Variants in CSNK1G2 observed in about 807,000 individuals in gnomAD.
CSNK1G2 encodes casein kinase 1 gamma 2, also known as casein kinase I isoform gamma-2.
Under a neutral mutation model 48.0 loss-of-function variants are expected in CSNK1G2, and 11 were observed. The observed-to-expected ratio is 0.23, with a 90% confidence interval of 0.14 to 0.38. The LOEUF (loss-of-function observed/expected upper bound fraction) is 0.38. CSNK1G2 is among the 10% of genes least tolerant of loss of function. CSNK1G2 has a pLI of 1.00. For synonymous variants in CSNK1G2, 337 were observed against 254.1 expected, an observed-to-expected ratio of 1.33 and a Z score of -3.10; for missense variants, 446 against 595.5, an observed-to-expected ratio of 0.75 and a Z score of 2.61.
rs2015883588 is a variant in CSNK1G2 at position 1,979,348 on chromosome 19, G to C, written c.798G>C (p.Lys266Asn). 1.2e-6 allele frequency: 2 copies of C among 1,606,076 alleles called. No individual in the cohort carries two copies. The highest frequency in any genetic ancestry group is 1.1e-5 in the South Asian group (1 of 89,676). The change falls in exon 8 of 12, where the codon AAG becomes AAC. Residue 266 changes from lysine to asparagine, a missense_variant. Lys to Asn is a moderately conservative substitution (Grantham distance 94). Coordinates refer to ENST00000255641, the MANE Select transcript of CSNK1G2 (RefSeq NM_001319.7). ...KADTLKERYQ[K>N]IGDTKRATPI... ...ACACGCTCAAGGAGCGGTACCAGAA[G>C]ATCGGGGACACCAAACGCGCCACGC... is the stretch of plus-strand genomic sequence containing the variant.
chr19:1,956,035 C>T (rs1413313454), intron 1 of CSNK1G2, among the ~76,000 whole-genome samples: 1 of 152,212 alleles, frequency 6.6e-6, no homozygotes, highest in Non-Finnish European at 1.5e-5. Context: ...CCCCAGCTCC[C>T]GACAGCGTTG....
intron 1 of CSNK1G2, among the ~76,000 whole-genome samples, chr19:1,951,980 A>G (rs2014780680): frequency 6.6e-6 from 1 of 152,138 alleles, no homozygotes; most frequent in African/African-American, 2.4e-5. Flanking sequence ...GGGCCCGGCC[A>G]TTCTCTGCTG....
chr19:1,955,927 C>A (rs1599296113), intron 1 of CSNK1G2, among the ~76,000 whole-genome samples: 3 of 152,316 alleles, frequency 2.0e-5, no homozygotes, highest in Admixed American at 6.5e-5. Context: ...GCCTGGGCCA[C>A]AACAGCCAAG....
intron 1 of CSNK1G2, among the ~76,000 whole-genome samples, chr19:1,956,859 A>G (rs914149064): frequency 3.3e-5 from 5 of 152,164 alleles, no homozygotes; most frequent in African/African-American, 1.2e-4. Flanking sequence ...TCGTTCCGGA[A>G]TTTAGGGCTC....
chr19:1,976,105 C>T (rs764926667), intron 2 of CSNK1G2: 18 of 1,289,528 alleles, frequency 1.4e-5, no homozygotes, highest in East Asian at 1.1e-4. Context: ...GAGGATGGAC[C>T]GTGTGGCAGG....
At chr19:1,950,552 A>G (rs919780503) in intron 1 of CSNK1G2, among the ~76,000 whole-genome samples, 13 of 146,864 alleles carry the variant, frequency 8.9e-5, no homozygotes, top group Non-Finnish European at 4.5e-5. Context: ...CCAGGAGATG[A>G]GCACCGTCCG....
rs755824841 is a variant in CSNK1G2, at chr19:1,978,939, G to C, written c.528G>C (p.Pro176=). The change falls in exon 6 of 12, where the codon CCG becomes CCC. Residue 176 remains proline, a synonymous_variant. Transcript: ENST00000255641. The surrounding 1 kb of genome is among the most constrained non-coding windows in gnomAD (Gnocchi z 7.3). ...VKPENFLVGR[P]GTKRQHAIHI... is the part of the protein sequence containing the mutation. ...CCGAGAACTTCCTGGTGGGCCGCCCGGGGACCAAGCGGCAGCATGCCATCC... is the reference window on the plus strand; with the variant it reads ...CCGAGAACTTCCTGGTGGGCCGCCCCGGGACCAAGCGGCAGCATGCCATCC... 2 of 1,601,740 alleles carry C rather than the reference G, an allele frequency of 1.2e-6. No homozygotes were observed. Among genetic ancestry groups the C allele is most frequent in the East Asian group, 2.2e-5 (1 of 44,836 alleles).
intron 1 of CSNK1G2, among the ~76,000 whole-genome samples, chr19:1,962,854 C>T (rs562195249): frequency 6.6e-6 from 1 of 152,292 alleles, no homozygotes; most frequent in South Asian, 2.1e-4. Flanking sequence ...GGAGTGGAAG[C>T]CCGCAGCCAC....
chr19:1,944,518 G>A (rs1158339381), intron 1 of CSNK1G2, among the ~76,000 whole-genome samples: 1 of 152,214 alleles, frequency 6.6e-6, no homozygotes, highest in Non-Finnish European at 1.5e-5. Context: ...GTCACCCGCC[G>A]TGCCAGTGGG....
At chr19:1,952,086 T>C (rs539316454) in intron 1 of CSNK1G2, among the ~76,000 whole-genome samples, 11 of 152,214 alleles carry the variant, frequency 7.2e-5, no homozygotes, top group Admixed American at 1.3e-4. Flanking sequence ...TCCTGTTTAC[T>C]GGGGGCTAGG....
At chr19:1,952,921 TG>T in intron 1 of CSNK1G2, 1 of 441,852 alleles carries the variant, frequency 2.3e-6, no homozygotes, top group South Asian at 1.7e-5. Context: ...TGCCTTCGAG[TG>T]GAGGGAAACC....
At chr19:1,945,297 C>A (rs1022533726) in intron 1 of CSNK1G2, among the ~76,000 whole-genome samples, 1 of 152,216 alleles carries the variant, frequency 6.6e-6, no homozygotes, top group Non-Finnish European at 1.5e-5. Context: ...AGCACTCAGG[C>A]GGCCCTGGCC....
rs2145601580 is a variant in CSNK1G2, at chr19:1,979,787, C to T, written c.1038C>T (p.Pro346=). 2 of 1,607,602 alleles carry T rather than the reference C, an allele frequency of 1.2e-6. No individual in the cohort carries two copies. Among genetic ancestry groups the T allele is most frequent in the Non-Finnish European group, 1.7e-6 (2 of 1,178,888 alleles). ...TCGGCACCGTCCACACCGACCTGCC[C>T]TCCCAGCCTCAGCTCCGGGACAAAA... is the stretch of plus-strand genomic sequence containing the variant. ...TPIGTVHTDL[P]SQPQLRDKTQ... The change falls in exon 10 of 12, where the codon CCC becomes CCT. Residue 346 remains proline, a synonymous_variant. Coordinates refer to ENST00000255641, the MANE Select transcript of CSNK1G2 (RefSeq NM_001319.7).
chr19:1,943,293 C>T (rs1251684874), intron 1 of CSNK1G2, among the ~76,000 whole-genome samples: 1 of 152,162 alleles, frequency 6.6e-6, no homozygotes, highest in African/African-American at 2.4e-5. Flanking sequence ...TGATTTGAAC[C>T]TGTCTAGTTC....
intron 2 of CSNK1G2, among the ~76,000 whole-genome samples, chr19:1,973,583 G>A (rs1179477932): frequency 6.6e-6 from 1 of 152,220 alleles, no homozygotes; most frequent in East Asian, 1.9e-4. Context: ...CCTCAGCCCT[G>A]GCTGTTTTCC....
At chr19:1,941,846 G>C (rs1234884996) in intron 1 of CSNK1G2, among the ~76,000 whole-genome samples, 2 of 144,040 alleles carry the variant, frequency 1.4e-5, no homozygotes, top group African/African-American at 2.6e-5. Context: ...TGAGCCTTTA[G>C]TCCCCACCCC....
chr19:1,966,586 C>T (rs1305730917), intron 1 of CSNK1G2, among the ~76,000 whole-genome samples: 6 of 152,256 alleles, frequency 3.9e-5, no homozygotes, highest in East Asian at 3.9e-4. Context: ...AAGCCGCGGC[C>T]GGGTTGAGAG....
At chr19:1,967,269 C>T (rs1436833754) in intron 1 of CSNK1G2, among the ~76,000 whole-genome samples, 1 of 152,208 alleles carries the variant, frequency 6.6e-6, no homozygotes, top group Non-Finnish European at 1.5e-5. Flanking sequence ...ATGTGGCTTA[C>T]TCAGCTGGGA....
chr19:1,954,823 T>C (rs565594264), intron 1 of CSNK1G2: 1 of 152,360 alleles, frequency 6.6e-6, no homozygotes, highest in African/African-American at 2.4e-5. Context: ...GAGCCATCCT[T>C]GGCGTGTGAC....
Sources: allele counts gnomAD v4.1 joint callset (sites outside exome capture counted in the v4.1 genomes callset), GRCh38; gene constraint gnomAD v4.1.1; non-coding constraint Gnocchi (gnomAD v3.1); transcripts MANE v1.5; gene names NCBI Gene and HGNC (gene_info 2026-07-23, HGNC 2026-07-21).